The following VTI1A variants were observed in gnomAD, a reference collection of about 807,000 sequenced individuals.
The protein encoded by VTI1A is vesicle transport through interaction with t-SNAREs homolog 1A.
A neutral mutation model predicts 34.9 loss-of-function variants in VTI1A; 22 were observed. The observed-to-expected ratio is 0.63, with a 90% CI of 0.45 to 0.90. VTI1A has a LOEUF of 0.90. Ranked by LOEUF, VTI1A falls within the 40% of genes least tolerant of loss-of-function variation. VTI1A has a pLI of 0.00. For synonymous variants in VTI1A, 87 were observed against 97.3 expected, an observed-to-expected ratio of 0.89 and a Z score of 0.62; for missense variants, 268 against 275.6, an observed-to-expected ratio of 0.97 and a Z score of 0.20.
chr10:112,714,321 C>G (rs1849531659), intron 7 of VTI1A, among the ~76,000 whole-genome samples: 2 of 152,168 alleles, frequency 1.3e-5, no homozygotes, highest in South Asian at 4.1e-4. Context: ...CGATGCCTTT[C>G]CCCTGCTTTA....
intron 3 of VTI1A, among the ~76,000 whole-genome samples, chr10:112,498,276 T>C (rs1241883133): frequency 6.6e-6 from 1 of 152,214 alleles, no homozygotes. Flanking sequence ...TAAGTTATTC[T>C]TAAAGAGTCT....
intron 1 of VTI1A, among the ~76,000 whole-genome samples, chr10:112,448,705 C>A (rs1003300706): frequency 1.3e-5 from 2 of 152,140 alleles, no homozygotes. Flanking sequence ...CATTAATCTG[C>A]GGATTGGTGG....
At chr10:112,486,876 C>T (rs1267542487) in intron 3 of VTI1A, among the ~76,000 whole-genome samples, 1 of 151,870 alleles carries the variant, frequency 6.6e-6, no homozygotes, top group Non-Finnish European at 1.5e-5. Context: ...TGCATTTCCA[C>T]ATCCACATTC....
At chr10:112,666,677 A>G (rs936768174) in intron 5 of VTI1A, among the ~76,000 whole-genome samples, 6 of 152,176 alleles carry the variant, frequency 3.9e-5, no homozygotes, top group African/African-American at 1.4e-4. Flanking sequence ...GGATCATAAC[A>G]TCAACTTGGT....
At chr10:112,559,420 A>G (rs1851644281) in intron 5 of VTI1A, among the ~76,000 whole-genome samples, 1 of 152,174 alleles carries the variant, frequency 6.6e-6, no homozygotes, top group Non-Finnish European at 1.5e-5. Context: ...GTAGGGCTTC[A>G]GCTTGAGACC....
chr10:112,629,101 G>T (rs1846033749), intron 5 of VTI1A, among the ~76,000 whole-genome samples: 1 of 152,208 alleles, frequency 6.6e-6, no homozygotes, highest in African/African-American at 2.4e-5. Context: ...CTTGCAGGTT[G>T]TTTGCCAAGT....
intron 3 of VTI1A, among the ~76,000 whole-genome samples, chr10:112,496,185 A>AACCCCC (rs1849010976): frequency 3.6e-5 from 1 of 27,838 alleles, no homozygotes; most frequent in Non-Finnish European, 6.6e-5. Context: ...AAATGGGGAG[A>AACCCCC]CCCCCCCCCC....
intron 7 of VTI1A, among the ~76,000 whole-genome samples, chr10:112,744,144 C>T (rs1353135509): frequency 2.6e-5 from 4 of 152,104 alleles, no homozygotes; most frequent in African/African-American, 9.7e-5. Flanking sequence ...GTGGGTCAGC[C>T]TCATAGCAGG....
chr10:112,685,721 G>A (rs1848380224), intron 7 of VTI1A, among the ~76,000 whole-genome samples: 1 of 152,030 alleles, frequency 6.6e-6, no homozygotes, highest in Non-Finnish European at 1.5e-5. Flanking sequence ...GTTATTTTGA[G>A]TTTTTTATTT....
At chr10:112,812,254 T>C (rs892621333) in intron 7 of VTI1A, among the ~76,000 whole-genome samples, 60 of 152,362 alleles carry the variant, frequency 3.9e-4, no homozygotes, top group African/African-American at 1.3e-3. Context: ...AAACACACTT[T>C]GCATTTTCAA....
chr10:112,649,184 C>T (rs558560780), intron 5 of VTI1A, among the ~76,000 whole-genome samples: 1 of 152,142 alleles, frequency 6.6e-6, no homozygotes, highest in Admixed American at 6.5e-5. Context: ...GGGAAGGACC[C>T]GGCAAGAGAC....
Position 112,447,322 on chromosome 10 carries a change from G to C in VTI1A, c.-52G>C, listed in dbSNP as rs1846879220. ...CGCGGGGCCCCTCGCTGCCCCTCGA[G>C]GCCCTTTCCCTGACCTAGGCTTTGG... is the stretch of plus-strand genomic sequence containing the variant. On this transcript the variant is annotated 5_prime_UTR_variant, in exon 1 of 8. Coordinates refer to ENST00000393077, the MANE Select transcript of VTI1A (RefSeq NM_145206.4). The C allele has an allele frequency of 1.9e-6, 3 of 1,579,662 alleles. No homozygotes were observed. The highest frequency in any genetic ancestry group is 2.0e-4 in the Middle Eastern group (1 of 5,052).
chr10:112,718,812 C>T (rs955364481), intron 7 of VTI1A, among the ~76,000 whole-genome samples: 5 of 152,270 alleles, frequency 3.3e-5, no homozygotes, highest in Admixed American at 3.3e-4. Context: ...ACTAATAATG[C>T]ATTTCAACAC....
chr10:112,606,151 G>A lies in VTI1A; in HGVS notation c.428-62067G>A, dbSNP rs940517512. ...GCAATTCTCCTGCCTCAGCCTTCCC[G>A]AGTAGCTGGGATTACAGGTGCACGC... On this transcript the variant is annotated intron_variant, in intron 5 of 7. Coordinates refer to ENST00000393077, the MANE Select transcript of VTI1A (RefSeq NM_145206.4). Among the ~76,000 whole-genome samples the A allele has an allele frequency of 4.0e-5, 6 of 150,844 alleles. No individual in the cohort carries two copies. In the South Asian group the frequency reaches 1.0e-3, roughly 26 times the overall value.
At chr10:112,749,703 A>G (rs1851033368) in intron 7 of VTI1A, among the ~76,000 whole-genome samples, 1 of 152,210 alleles carries the variant, frequency 6.6e-6, no homozygotes, top group Non-Finnish European at 1.5e-5. Flanking sequence ...CAAATAATAC[A>G]TATAGGAGGG....
At chr10:112,652,305 A>G (rs1428004294) in intron 5 of VTI1A, among the ~76,000 whole-genome samples, 1 of 152,200 alleles carries the variant, frequency 6.6e-6, no homozygotes, top group East Asian at 1.9e-4. Context: ...CAGTCCTCAG[A>G]AATGAGTGTC....
intron 7 of VTI1A, among the ~76,000 whole-genome samples, chr10:112,746,362 C>G (rs1850896370): frequency 6.6e-6 from 1 of 152,154 alleles, no homozygotes; most frequent in Admixed American, 6.5e-5. Flanking sequence ...GTGGGACACT[C>G]TTAATTAGAA....
chr10:112,809,802 G>A (rs1024108216), intron 7 of VTI1A, among the ~76,000 whole-genome samples: 7 of 152,128 alleles, frequency 4.6e-5, no homozygotes, highest in Non-Finnish European at 8.8e-5. Flanking sequence ...AAAGAAATTC[G>A]GACTGTGGAA....
chr10:112,761,829 T>C (rs1321898421), intron 7 of VTI1A, among the ~76,000 whole-genome samples: 3 of 124,636 alleles, frequency 2.4e-5, no homozygotes, highest in Admixed American at 8.9e-5. Flanking sequence ...TATATGTATA[T>C]GCTGATCTTG....
Sources: allele counts gnomAD v4.1 joint callset (sites outside exome capture counted in the v4.1 genomes callset), GRCh38; gene constraint gnomAD v4.1.1; transcripts MANE v1.5; gene names NCBI Gene and HGNC (gene_info 2026-07-23, HGNC 2026-07-21).